Variants in A2ML1 observed in about 807,000 individuals in gnomAD.
A2ML1 encodes alpha-2-macroglobulin like 1.
A2ML1 carries 161 observed loss-of-function variants against 181.9 expected under a neutral mutation model. The ratio of observed to expected loss-of-function variants is 0.89; its 90% CI spans 0.78 to 1.01. The LOEUF is 1.01. Among genes scored for constraint, A2ML1 ranks in the 50% least tolerant of loss-of-function variants. The probability of loss-of-function intolerance (pLI) is 0.00; values close to 1 mark genes in which losing one functional copy is unlikely to be tolerated. For missense variants in A2ML1, 1,670 were observed against 1,768.1 expected, an observed-to-expected ratio of 0.94 and a Z score of 1.00; for synonymous variants, 663 against 666.8, an observed-to-expected ratio of 0.99 and a Z score of 0.09.
intron 9 of A2ML1, 40 bp downstream of exon 9, chr12:8,838,490 G>T: frequency 6.6e-7 from 1 of 1,517,148 alleles, no homozygotes; most frequent in Non-Finnish European, 9.1e-7. Flanking sequence ...AAAAGAGAAA[G>T]AAAAAGGGCT....
At chr12:8,861,895 G>A (rs1944280283) in intron 28 of A2ML1, among the ~76,000 whole-genome samples, 1 of 152,068 alleles carries the variant, frequency 6.6e-6, no homozygotes, top group African/African-American at 2.4e-5. Context: ...GAGTAGATGG[G>A]ATTACAGGTG....
intron 16 of A2ML1, 28 bp downstream of exon 16, chr12:8,848,942 A>C: frequency 6.3e-7 from 1 of 1,590,214 alleles, no homozygotes; most frequent in Non-Finnish European, 8.6e-7. Context: ...TTTTGTTCTT[A>C]TGGGAAAGAT....
intron 23 of A2ML1, 108 bp downstream of exon 23, chr12:8,855,700 C>A: frequency 2.0e-6 from 2 of 1,019,106 alleles, no homozygotes; most frequent in South Asian, 1.4e-5. Context: ...TAACTAATAA[C>A]AAGTGATGAA....
At chr12:8,858,508 C>T (rs1206583395) in intron 26 of A2ML1, among the ~76,000 whole-genome samples, 1 of 152,118 alleles carries the variant, frequency 6.6e-6, no homozygotes, top group African/African-American at 2.4e-5. Flanking sequence ...ATCACTTGAA[C>T]CCAGGAGGTC....
chr12:8,847,964 ACT>A (rs943675829), intron 15 of A2ML1, among the ~76,000 whole-genome samples: 7 of 148,886 alleles, frequency 4.7e-5, no homozygotes, highest in Admixed American at 3.4e-4. Flanking sequence ...ACATGGAGAA[ACT>A]CTGTCTCTAC....
chr12:8,842,136 TA>T (rs1459574083), intron 11 of A2ML1, among the ~76,000 whole-genome samples: 1 of 152,204 alleles, frequency 6.6e-6, no homozygotes, highest in Non-Finnish European at 1.5e-5. Context: ...AGCCCAGGTA[TA>T]TTCTTATGGC....
At chr12:8,859,970 G>A (rs1944199429) in intron 26 of A2ML1, among the ~76,000 whole-genome samples, 1 of 152,124 alleles carries the variant, frequency 6.6e-6, no homozygotes, top group African/African-American at 2.4e-5. Flanking sequence ...TAAATGTCCT[G>A]GGTTCAAATT....
intron 34 of A2ML1, 47 bp downstream of exon 34, chr12:8,874,574 C>G: frequency 7.0e-7 from 1 of 1,434,298 alleles, no homozygotes; most frequent in Non-Finnish European, 9.8e-7. Context: ...ACCTGCATCT[C>G]CCAACTTACT....
At chr12:8,848,596 A>G in intron 15 of A2ML1, 124 bp from the exon 16 acceptor site, 1 of 726,426 alleles carries the variant, frequency 1.4e-6, no homozygotes, top group Non-Finnish European at 2.1e-6. Context: ...GAATATAAAA[A>G]TAATTCTGAA....
intron 3 of A2ML1, among the ~76,000 whole-genome samples, chr12:8,824,906 CA>C (rs1308435590): frequency 6.6e-6 from 1 of 152,168 alleles, no homozygotes; most frequent in East Asian, 1.9e-4. Flanking sequence ...CAGGCTGTTG[CA>C]AAGGATGGGG....
chr12:8,847,982 A>G (rs1040650500), intron 15 of A2ML1, among the ~76,000 whole-genome samples: 2 of 125,076 alleles, frequency 1.6e-5, no homozygotes, highest in Non-Finnish European at 3.4e-5. Context: ...TCTACTAAAA[A>G]TCCAGAAAAA....
chr12:8,855,571 A>G lies in A2ML1; in HGVS notation c.2827A>G (p.Lys943Glu), dbSNP rs1060500994. The G allele has an allele frequency of 2.5e-6, 4 of 1,614,030 alleles. No individual in the cohort carries two copies. The highest frequency in any genetic ancestry group is 2.5e-6 in the Non-Finnish European group (3 of 1,180,026). The change falls in exon 23 of 36, where the codon AAG (lysine) becomes GAG (glutamate). Residue 943 changes from lysine (K) to glutamate (E), a missense_variant. Coordinates refer to ENST00000299698, the MANE Select transcript of A2ML1 (RefSeq NM_144670.6). Reference sequence around the variant, plus strand: ...AGTGGACATTGTTCCTGACTCGACCAAGGCTTATGTTACGGTTCTGGGTAA... The same window carrying G: ...AGTGGACATTGTTCCTGACTCGACCGAGGCTTATGTTACGGTTCTGGGTAA... ...LPVDIVPDST[K>E]AYVTVLGDIM...
rs747943073 is a variant in A2ML1 at position 8,848,707 on chromosome 12, C to T, written c.1834-13C>T. 1.9e-6 allele frequency: 3 copies of T among 1,579,294 alleles called. No homozygotes were observed. Among genetic ancestry groups the T allele is most frequent in the South Asian group, 2.4e-5 (2 of 85,016 alleles). On this transcript the variant is annotated splice_polypyrimidine_tract_variant and intron_variant, in intron 15 of 35. Transcript: ENST00000299698. ...ATATCAATGCTTTATTTCCTCTCCC[C>T]CTCTTGTCCCAGGTCTATGGGATGT...
At chr12:8,859,845 C>T (rs1191016345) in intron 26 of A2ML1, among the ~76,000 whole-genome samples, 5 of 152,008 alleles carry the variant, frequency 3.3e-5, no homozygotes, top group Admixed American at 2.6e-4. Context: ...GGATTACAAG[C>T]GTGACCTATG....
chr12:8,840,053 T>C (rs1943415813), intron 10 of A2ML1, among the ~76,000 whole-genome samples: 1 of 152,120 alleles, frequency 6.6e-6, no homozygotes, highest in African/African-American at 2.4e-5. Flanking sequence ...GACTAGCAAT[T>C]TTCTTTAGAG....
Position 8,867,920 on chromosome 12 carries a change from G to GT in A2ML1, c.3797dup (p.Ser1268IlefsTer3), listed in dbSNP as rs1488712517. On this transcript the variant is annotated frameshift_variant, in exon 30 of 36. Transcript: ENST00000299698. LOFTEE classifies it high-confidence loss of function. ...GCCATCTGAGGAGATCAACCTGGTT[G>GT]TAAAATCCACTGAGAATTTCCAGCG... The GT allele has an allele frequency of 1.9e-6, 3 of 1,614,234 alleles. No individual in the cohort carries two copies. Among genetic ancestry groups the GT allele is most frequent in the African/African-American group, 1.3e-5 (1 of 75,056 alleles).
At chr12:8,829,216 G>C (rs1433513674) in intron 3 of A2ML1, among the ~76,000 whole-genome samples, 1 of 152,144 alleles carries the variant, frequency 6.6e-6, no homozygotes, top group Non-Finnish European at 1.5e-5. Context: ...GTCAATGGAG[G>C]CTTCTATTCT....
rs369248688 is a variant in A2ML1, at chr12:8,843,150, A to G, written c.1265A>G (p.Glu422Gly). Residue 422 changes from glutamate (E) to glycine (G), a missense_variant, in exon 12 of 36, where the codon GAA becomes GGA. Transcript: ENST00000299698. ...DVSLEGKFQM[E>G]DLVYNPEQVP... Reference sequence around the variant, plus strand: ...TATTCTCAGGGAAAGTTTCAAATGGAAGACTTAGTATATAATCCGGAACAA... The same window carrying G: ...TATTCTCAGGGAAAGTTTCAAATGGGAGACTTAGTATATAATCCGGAACAA... 1 of 1,613,968 alleles carries G rather than the reference A, an allele frequency of 6.2e-7. No individual in the cohort carries two copies. The highest frequency in any genetic ancestry group is 1.3e-5 in the African/African-American group (1 of 74,914).
chr12:8,852,513 A>G lies in A2ML1; in HGVS notation c.2590+177A>G, dbSNP rs1444637441. Among the ~76,000 whole-genome samples the G allele has an allele frequency of 1.3e-5, 2 of 152,286 alleles. No homozygotes were observed. Among genetic ancestry groups the G allele is most frequent in the African/African-American group, 4.8e-5 (2 of 41,566 alleles). On this transcript the variant is annotated intron_variant, in intron 20 of 35. Coordinates refer to ENST00000299698, the MANE Select transcript of A2ML1 (RefSeq NM_144670.6). This position sits in a 1 kb window ranked among gnomAD's most constrained non-coding sequence, Gnocchi z 4.2. ...CAAACACTCTTTGATAGGTGACCAA[A>G]CAAATTTGTTCAAACCGGAATATTT...
Sources: allele counts gnomAD v4.1 joint callset (sites outside exome capture counted in the v4.1 genomes callset), GRCh38; gene constraint gnomAD v4.1.1; non-coding constraint Gnocchi (gnomAD v3.1); transcripts MANE v1.5; gene names NCBI Gene and HGNC (gene_info 2026-07-23, HGNC 2026-07-21).